ART4: variants seen among roughly 807,000 people sequenced by gnomAD.
ART4 encodes ecto-ADP-ribosyltransferase 4.
A neutral mutation model predicts 24.2 loss-of-function variants in ART4; 14 were observed. The ratio of observed to expected loss-of-function variants is 0.58; its 90% CI spans 0.38 to 0.90. The LOEUF (loss-of-function observed/expected upper bound fraction) is 0.90. ART4 is among the 40% of genes least tolerant of loss of function. The pLI, the probability that ART4 is intolerant of heterozygous loss-of-function variation, is 0.00. For synonymous variants in ART4, 145 were observed against 139.9 expected, an observed-to-expected ratio of 1.04 and a Z score of -0.26; for missense variants, 356 against 366.6, an observed-to-expected ratio of 0.97 and a Z score of 0.24.
chr12:14,829,468 A>C lies in ART4; in HGVS notation c.854-6T>G. On this transcript the variant is annotated splice_polypyrimidine_tract_variant and splice_region_variant and intron_variant, in intron 2 of 2. Coordinates refer to ENST00000228936, the MANE Select transcript of ART4 (RefSeq NM_021071.4). ...GATGCATTTCTTGCTGGAAGCTGTAAAAAACAAAACAAAGGAAATATTTTA... is the reference window on the plus strand; with the variant it reads ...GATGCATTTCTTGCTGGAAGCTGTACAAAACAAAACAAAGGAAATATTTTA... The C allele has an allele frequency of 6.2e-7, 1 of 1,601,838 alleles. No homozygotes were observed. Among genetic ancestry groups the C allele is most frequent in the Non-Finnish European group, 8.5e-7 (1 of 1,174,070 alleles).
intron 2 of ART4, among the ~76,000 whole-genome samples, chr12:14,833,220 A>G (rs907741660): frequency 1.3e-5 from 2 of 152,202 alleles, no homozygotes; most frequent in African/African-American, 4.8e-5. Flanking sequence ...ACTGCCTATG[A>G]AAAGGGTAAC....
intron 2 of ART4, 113 bp from the exon 3 acceptor site, chr12:14,829,575 T>C: frequency 1.4e-6 from 1 of 718,574 alleles, no homozygotes; most frequent in Non-Finnish European, 2.3e-6. Flanking sequence ...TAAAAACATT[T>C]GAAGTTAGCT....
intron 2 of ART4, among the ~76,000 whole-genome samples, chr12:14,834,073 A>G (rs75075083): frequency 0.017 from 2,652 of 152,288 alleles, 85 homozygotes; most frequent in African/African-American, 0.059. Context: ...CAACATTCCC[A>G]CAAGATGAGT....
intron 2 of ART4, among the ~76,000 whole-genome samples, chr12:14,836,313 T>C (rs1950430575): frequency 2.6e-5 from 4 of 152,036 alleles, no homozygotes; most frequent in African/African-American, 9.7e-5. Context: ...ATTCTTTCAC[T>C]TTGGGGCCAT....
Position 14,840,484 on chromosome 12 carries a change from T to C in ART4, c.814A>G (p.Thr272Ala), listed in dbSNP as rs373965433. 3.4e-5 allele frequency: 55 copies of C among 1,613,720 alleles called. No homozygotes were observed. Among genetic ancestry groups the C allele is most frequent in the Middle Eastern group, 3.3e-4 (2 of 6,076 alleles). Residue 272 changes from threonine (T) to alanine (A), a missense_variant, in exon 2 of 3, where the codon ACT (threonine) becomes GCT (alanine). Transcript: ENST00000228936. ...CAGTTATATGTGCTCAGGTTCCCAG[T>C]TGACCTCAACTGCAACCAGTCTCCT... Reference protein sequence around the residue: ...PRGDWLQLRSTGNLSTYNCQL... With the variant: ...PRGDWLQLRSAGNLSTYNCQL...
At position 14,826,282 on chromosome 12, in the gene ART4, A is replaced by G. The variant is rs1950359313; in HGVS notation, c.*3089T>C. The stretch of plus-strand genomic sequence containing the variant: ...CAAACTCATGAATCTACATAATTTT[A>G]AGAGAATAGTTTCTGTCTCCAGAGA... On this transcript the variant is annotated 3_prime_UTR_variant, in exon 3 of 3. Coordinates refer to ENST00000228936, the MANE Select transcript of ART4 (RefSeq NM_021071.4). 1 of 152,240 alleles carries G rather than the reference A, an allele frequency of 6.6e-6. No homozygotes were observed. Among genetic ancestry groups the G allele is most frequent in the African/African-American group, 2.4e-5 (1 of 41,460 alleles). The allele number at this position is 152,240 out of a possible 1,614,324, so 9.4% of individuals were successfully genotyped here. A position where few individuals can be genotyped will look rare whatever the true frequency, so the allele number is the denominator to read the frequency against.
rs761909320 is a variant in ART4, at chr12:14,830,536, A to AATGTGT, written c.854-1075_854-1074insACACAT. On this transcript the variant is annotated intron_variant, in intron 2 of 2. Transcript: ENST00000228936. The stretch of plus-strand genomic sequence containing the variant: ...TAGTTTTTTGGAATTTCTATATAGG[A>AATGTGT]GTGTGTGTGTGTGTGTGTGTGTGTG... Among the ~76,000 whole-genome samples, 429 of 124,198 alleles carry AATGTGT rather than the reference A, an allele frequency of 3.5e-3. 3 individuals carry two copies. Among genetic ancestry groups the AATGTGT allele is most frequent in the African/African-American group, 0.012 (405 of 33,482 alleles). The allele number at this position is 124,198 out of a possible 152,430, so 81.5% of individuals were successfully genotyped here.
chr12:14,830,086 G>T (rs1281374367), intron 2 of ART4, among the ~76,000 whole-genome samples: 2 of 151,416 alleles, frequency 1.3e-5, no homozygotes, highest in Non-Finnish European at 2.9e-5. Context: ...TCATTACAAG[G>T]TGAGCAAGAA....
chr12:14,834,853 A>G (rs1565429169), intron 2 of ART4, among the ~76,000 whole-genome samples: 1 of 152,346 alleles, frequency 6.6e-6, no homozygotes, highest in Non-Finnish European at 1.5e-5. Flanking sequence ...TTCCTTTTGC[A>G]AATTTACTTC....
Position 14,843,318 on chromosome 12 carries a change from C to T in ART4, c.-205G>A, listed in dbSNP as rs1196426052. On this transcript the variant is annotated 5_prime_UTR_variant, in exon 1 of 3. Coordinates refer to ENST00000228936, the MANE Select transcript of ART4 (RefSeq NM_021071.4). ...TCCGACTTCTTTGCAAAACTGAAAT[C>T]TCTGTGAAATAGCCAGATGCGCACA... The T allele has an allele frequency of 3.6e-6, 2 of 556,154 alleles. No homozygotes were observed. Among genetic ancestry groups the T allele is most frequent in the Non-Finnish European group, 6.3e-6 (2 of 317,080 alleles). The allele number at this position is 556,154 out of a possible 1,614,324, so 34.5% of individuals were successfully genotyped here.
Position 14,843,238 on chromosome 12 carries a change from A to G in ART4, c.-125T>C. On this transcript the variant is annotated 5_prime_UTR_variant, in exon 1 of 3. Transcript: ENST00000228936. ...ACCGTTTTTTCCCCTGTCTATGCTG[A>G]GCAACTTCTGTTGCCCACCAACAAC... The G allele has an allele frequency of 8.3e-7, 1 of 1,205,196 alleles. No individual in the cohort carries two copies. Among genetic ancestry groups the G allele is most frequent in the Non-Finnish European group, 1.1e-6 (1 of 873,002 alleles). The allele number at this position is 1,205,196 out of a possible 1,614,324, so 74.7% of individuals were successfully genotyped here. A position where few individuals can be genotyped will look rare whatever the true frequency, so the allele number is the denominator to read the frequency against.
chr12:14,832,898 C>T (rs1950405940), intron 2 of ART4, among the ~76,000 whole-genome samples: 1 of 152,038 alleles, frequency 6.6e-6, no homozygotes, highest in Non-Finnish European at 1.5e-5. Flanking sequence ...TCATTTCTAC[C>T]TGGCATTATT....
rs1173871672 is a variant in ART4, at chr12:14,827,374, A to G, written c.*1997T>C. 1 of 152,336 alleles carries G rather than the reference A, an allele frequency of 6.6e-6. No homozygotes were observed. Among genetic ancestry groups the G allele is most frequent in the Non-Finnish European group, 1.5e-5 (1 of 68,162 alleles). 9.4% of individuals were successfully genotyped at this position (152,336 alleles called of 1,614,324 possible). ...CCAAAGACCCTATCCTATGCAAGTCACATAAATTGTCTGTTTGTAGAAATT... is the reference window on the plus strand; with the variant it reads ...CCAAAGACCCTATCCTATGCAAGTCGCATAAATTGTCTGTTTGTAGAAATT... On this transcript the variant is annotated 3_prime_UTR_variant, in exon 3 of 3. Transcript: ENST00000228936.
intron 2 of ART4, among the ~76,000 whole-genome samples, chr12:14,831,889 T>A (rs1051120953): frequency 6.6e-6 from 1 of 152,084 alleles, no homozygotes; most frequent in Non-Finnish European, 1.5e-5. Context: ...GCCACCTCCA[T>A]CCTTTCAGTT....
At chr12:14,833,532 T>C (rs1001477412) in intron 2 of ART4, among the ~76,000 whole-genome samples, 2 of 152,200 alleles carry the variant, frequency 1.3e-5, no homozygotes, top group African/African-American at 4.8e-5. Flanking sequence ...TAACCTGACT[T>C]ACAGGGTGAT....
chr12:14,843,163 G>T lies in ART4; in HGVS notation c.-50C>A, dbSNP rs373486533. ...CTTTGCCCTTGCAGCTTCATCCTGA[G>T]ATGAATTCTCAGAGTTCTCCTTTGA... On this transcript the variant is annotated 5_prime_UTR_variant, in exon 1 of 3. Transcript: ENST00000228936. 30 of 1,607,244 alleles carry T rather than the reference G, an allele frequency of 1.9e-5. No homozygotes were observed. Among genetic ancestry groups the T allele is most frequent in the Non-Finnish European group, 2.4e-5 (28 of 1,175,798 alleles).
At chr12:14,837,886 G>A (rs1950441822) in intron 2 of ART4, among the ~76,000 whole-genome samples, 1 of 152,108 alleles carries the variant, frequency 6.6e-6, no homozygotes, top group South Asian at 2.1e-4. Context: ...TTAGGTAGAT[G>A]AAAAAAGAGT....
At chr12:14,841,239 GTCT>G (rs768700207) in intron 1 of ART4, 86 bp from the exon 2 acceptor site, 94 of 1,267,012 alleles carry the variant, frequency 7.4e-5, no homozygotes, top group Non-Finnish European at 8.9e-5. Flanking sequence ...ATAAGGGTAA[GTCT>G]TCTCCTGGAA....
intron 2 of ART4, among the ~76,000 whole-genome samples, chr12:14,831,271 ATT>A (rs35715515): frequency 0.25 from 32,922 of 133,216 alleles, 3,625 homozygotes; most frequent in East Asian, 0.31. Flanking sequence ...TTCCTTCTCC[ATT>A]TTTTTTTTTT....
Sources: gnomAD v4.1 joint callset for allele counts (sites outside exome capture counted in the v4.1 genomes callset) on GRCh38, gnomAD v4.1.1 for gene constraint, MANE v1.5 for transcripts, NCBI Gene and HGNC (gene_info 2026-07-23, HGNC 2026-07-21) for gene names.